Variants in FGF12 observed in about 807,000 individuals in gnomAD.
FGF12 encodes the protein fibroblast growth factor 12B.
A neutral mutation model predicts 23.6 loss-of-function variants in FGF12; 14 were observed. The ratio of observed to expected loss-of-function variants is 0.59; its 90% CI spans 0.39 to 0.93. The LOEUF (loss-of-function observed/expected upper bound fraction) is 0.93. FGF12 is among the 40% of genes least tolerant of loss of function. The probability of loss-of-function intolerance (pLI) is 0.00; values close to 1 mark genes in which losing one functional copy is unlikely to be tolerated. For synonymous variants in FGF12, 62 were observed against 77.3 expected, an observed-to-expected ratio of 0.80 and a Z score of 1.04; for missense variants, 175 against 217.8, an observed-to-expected ratio of 0.80 and a Z score of 1.24.
chr3:192,181,698 A>C (rs111784832), intron 4 of FGF12, among the ~76,000 whole-genome samples: 152 of 146,776 alleles, frequency 1.0e-3, no homozygotes, highest in African/African-American at 3.7e-3. Context: ...TAGCGGGATC[A>C]CTGTTCGCTG....
chr3:192,654,426 AT>A (rs199625005), intron 2 of FGF12, among the ~76,000 whole-genome samples: 22 of 150,494 alleles, frequency 1.5e-4, no homozygotes, highest in Non-Finnish European at 3.0e-4. Flanking sequence ...GATAAAAAAA[AT>A]AAATAATCTC....
At chr3:192,365,515 G>A (rs1238419904) in intron 2 of FGF12, among the ~76,000 whole-genome samples, 1 of 151,792 alleles carries the variant, frequency 6.6e-6, no homozygotes, top group Non-Finnish European at 1.5e-5. Context: ...TGTTACTATG[G>A]GAAATTGGAT....
At chr3:192,250,881 C>T (rs1283738237) in intron 4 of FGF12, among the ~76,000 whole-genome samples, 1 of 151,868 alleles carries the variant, frequency 6.6e-6, no homozygotes, top group African/African-American at 2.4e-5. Flanking sequence ...TTCATACAAG[C>T]CAAAGAACAT....
intron 2 of FGF12, among the ~76,000 whole-genome samples, chr3:192,559,547 C>CTA: frequency 6.6e-6 from 1 of 151,854 alleles, no homozygotes; most frequent in East Asian, 1.9e-4. Flanking sequence ...TAAGCAAGAA[C>CTA]CATAATGTAG....
intron 2 of FGF12, among the ~76,000 whole-genome samples, chr3:192,525,189 C>T (rs1724911846): frequency 6.6e-6 from 1 of 152,128 alleles, no homozygotes; most frequent in South Asian, 2.1e-4. Flanking sequence ...CTATTGATAA[C>T]TCCTGGATCT....
At chr3:192,434,172 A>T (rs1721945468) in intron 2 of FGF12, among the ~76,000 whole-genome samples, 1 of 152,138 alleles carries the variant, frequency 6.6e-6, no homozygotes, top group Non-Finnish European at 1.5e-5. Context: ...AACCCAGAAA[A>T]CAAAACACAT....
chr3:192,374,175 C>T (rs7635455), intron 2 of FGF12, among the ~76,000 whole-genome samples: 97,662 of 152,102 alleles, frequency 0.64, 34,328 homozygotes, highest in East Asian at 0.93. Flanking sequence ...GGTTTTTTAT[C>T]TGATGCTTCA....
At chr3:192,326,823 T>C (rs1049322280) in intron 4 of FGF12, among the ~76,000 whole-genome samples, 4 of 152,196 alleles carry the variant, frequency 2.6e-5, no homozygotes, top group Admixed American at 6.5e-5. Flanking sequence ...AAGTTGCTTT[T>C]TCTTAACCTG....
At chr3:192,275,645 T>C (rs911831146) in intron 4 of FGF12, among the ~76,000 whole-genome samples, 4 of 152,144 alleles carry the variant, frequency 2.6e-5, no homozygotes, top group East Asian at 3.9e-4. Flanking sequence ...GAAAACACAA[T>C]AGAAAAATAA....
chr3:192,439,893 T>TGGAG (rs1722150219), intron 2 of FGF12, among the ~76,000 whole-genome samples: 1 of 151,530 alleles, frequency 6.6e-6, no homozygotes, highest in Non-Finnish European at 1.5e-5. Context: ...AGAGAACTGC[T>TGGAG]TGAACCCGGG....
intron 2 of FGF12, among the ~76,000 whole-genome samples, chr3:192,377,700 G>T (rs922022119): frequency 2.0e-5 from 3 of 152,204 alleles, no homozygotes; most frequent in African/African-American, 7.2e-5. Flanking sequence ...CCTTCCAAGT[G>T]TCAGGTATTT....
In FGF12 at chr3:192,414,348, G is replaced by A. The variant is rs142212508; in HGVS notation, c.14-53810C>T. ...CAGAGAGGTTAAGTTGTTTAACCAA[G>A]GTCACCCAGCTAAGAATTGCCAGAG... On this transcript the variant is annotated intron_variant, in intron 2 of 5. Transcript: ENST00000445105. 5.0e-3 allele frequency among the ~76,000 whole-genome samples: 763 copies of A among 152,182 alleles called. 3 individuals carry two copies. The highest frequency in any genetic ancestry group is 0.018 in the African/African-American group (734 of 41,518).
intron 4 of FGF12, among the ~76,000 whole-genome samples, chr3:192,302,277 C>G (rs1715391873): frequency 6.6e-6 from 1 of 152,218 alleles, no homozygotes. Flanking sequence ...CCAGGTTAAA[C>G]AGACTCTGCT....
intron 2 of FGF12, among the ~76,000 whole-genome samples, chr3:192,622,093 CAAAT>C (rs1264707239): frequency 1.3e-5 from 2 of 152,070 alleles, no homozygotes; most frequent in Non-Finnish European, 2.9e-5. Context: ...GGCATGGGCA[CAAAT>C]AAATACGCAC....
At chr3:192,701,304 A>C (rs1331807922) in intron 2 of FGF12, among the ~76,000 whole-genome samples, 1 of 152,198 alleles carries the variant, frequency 6.6e-6, no homozygotes, top group Non-Finnish European at 1.5e-5. Context: ...ACAGGTATTG[A>C]CTGATGACAT....
chr3:192,227,010 C>G (rs1560199945), intron 4 of FGF12, among the ~76,000 whole-genome samples: 1 of 152,116 alleles, frequency 6.6e-6, no homozygotes, highest in Non-Finnish European at 1.5e-5. Flanking sequence ...CACAAAAGGG[C>G]CGTCCAAGAA....
At chr3:192,213,282 C>CT (rs955372511) in intron 4 of FGF12, among the ~76,000 whole-genome samples, 11 of 151,192 alleles carry the variant, frequency 7.3e-5, no homozygotes, top group Admixed American at 3.3e-4. Flanking sequence ...TTTTTTTTCC[C>CT]TTTTTTTTGG....
intron 2 of FGF12, among the ~76,000 whole-genome samples, chr3:192,561,343 A>G (rs1712011084): frequency 6.6e-6 from 1 of 152,114 alleles, no homozygotes; most frequent in African/African-American, 2.4e-5. Flanking sequence ...ATGAAAATTA[A>G]AATGATGGTG....
intron 2 of FGF12, among the ~76,000 whole-genome samples, chr3:192,433,468 G>A (rs181195603): frequency 5.6e-4 from 86 of 152,234 alleles, no homozygotes; most frequent in Admixed American, 9.8e-4. Flanking sequence ...ACCAAATTGC[G>A]CATTTGAAAA....
Sources: gnomAD v4.1 joint callset for allele counts (sites outside exome capture counted in the v4.1 genomes callset) on GRCh38, gnomAD v4.1.1 for gene constraint, MANE v1.5 for transcripts, NCBI Gene and HGNC (gene_info 2026-07-23, HGNC 2026-07-21) for gene names.